Variants in WWTR1 observed in about 807,000 individuals in gnomAD.
WWTR1 encodes the protein WW domain-containing transcription regulator protein 1.
In WWTR1, 13 loss-of-function variants were observed where a neutral mutation model predicts 40.1. That is an observed-to-expected ratio of 0.32 (90% CI 0.21 to 0.52). WWTR1 has a LOEUF of 0.52. WWTR1 is among the 20% of genes least tolerant of loss of function. The probability of loss-of-function intolerance (pLI) is 0.97; values close to 1 mark genes in which losing one functional copy is unlikely to be tolerated. For missense variants in WWTR1, 436 were observed against 523.1 expected, an observed-to-expected ratio of 0.83 and a Z score of 1.63; for synonymous variants, 230 against 210.1, an observed-to-expected ratio of 1.09 and a Z score of -0.82.
At chr3:149,525,888 C>T (rs1458545851) in intron 6 of WWTR1, 125 bp downstream of exon 6, 4 of 553,906 alleles carry the variant, frequency 7.2e-6, no homozygotes, top group Non-Finnish European at 1.2e-5. Flanking sequence ...GCACATGTAC[C>T]CCCAAATATA....
chr3:149,568,761 C>A (rs1737474478), intron 3 of WWTR1, among the ~76,000 whole-genome samples: 1 of 152,198 alleles, frequency 6.6e-6, no homozygotes, highest in South Asian at 2.1e-4. Flanking sequence ...ATCTAAAGCT[C>A]TTTTTGTTGT....
chr3:149,619,488 T>C (rs1057433196), intron 2 of WWTR1, among the ~76,000 whole-genome samples: 1 of 152,088 alleles, frequency 6.6e-6, no homozygotes, highest in Non-Finnish European at 1.5e-5. Flanking sequence ...CCAGGCATAG[T>C]GGCATGCTCC....
intron 2 of WWTR1, among the ~76,000 whole-genome samples, chr3:149,632,869 A>C (rs1309777279): frequency 6.6e-6 from 1 of 152,198 alleles, no homozygotes. Context: ...AGAGACATAA[A>C]GTGGATTAGT....
intron 4 of WWTR1, among the ~76,000 whole-genome samples, chr3:149,537,618 TTGTGGTATACA>T (rs958395767): frequency 5.9e-5 from 9 of 152,240 alleles, no homozygotes; most frequent in African/African-American, 1.2e-4. Context: ...AATTCACTCT[TTGTGGTATACA>T]TGTCTGAGTT....
chr3:149,687,986 T>C (rs1559841700), intron 1 of WWTR1, among the ~76,000 whole-genome samples: 1 of 151,556 alleles, frequency 6.6e-6, no homozygotes, highest in East Asian at 1.9e-4. Flanking sequence ...GACCTGGGGC[T>C]CATGGTGGTG....
chr3:149,696,508 A>C (rs1288030031), intron 1 of WWTR1, among the ~76,000 whole-genome samples: 1 of 152,232 alleles, frequency 6.6e-6, no homozygotes, highest in Non-Finnish European at 1.5e-5. Flanking sequence ...AGTGATATTT[A>C]AAAAGGTTAT....
In WWTR1 at chr3:149,657,287, G is replaced by A; in HGVS notation, c.20C>T (p.Pro7Leu). Residue 7 changes from proline to leucine, a missense_variant, in exon 2 of 7, where the codon CCC (proline) becomes CTC (leucine). Pro to Leu is a moderately conservative substitution (Grantham distance 98). Coordinates refer to ENST00000360632, the MANE Select transcript of WWTR1 (RefSeq NM_015472.6). MNPASAPPPLPPPGQQV... is the reference protein window; with the variant it reads MNPASALPPLPPPGQQV... ...CTGCCCAGGCGGCGGGAGCGGAGGG[G>A]GCGCCGAGGCCGGATTCATCTTCTG... The A allele has an allele frequency of 6.2e-7, 1 of 1,612,084 alleles. No individual in the cohort carries two copies. The highest frequency in any genetic ancestry group is 8.5e-7 in the Non-Finnish European group (1 of 1,179,146).
rs143289799 is a variant in WWTR1, at chr3:149,608,212, G to A, written c.432-35212C>T. 1.1e-3 allele frequency among the ~76,000 whole-genome samples: 162 copies of A among 151,894 alleles called. 1 individual carries two copies. The highest frequency in any genetic ancestry group is 3.7e-3 in the African/African-American group (155 of 41,394). On this transcript the variant is annotated intron_variant, in intron 2 of 6. Transcript: ENST00000360632. ...ATATTGTTTTTATAACTTCAAGAAAGACTGCACAAAATAGAAAAAAAATTT... is the reference window on the plus strand; with the variant it reads ...ATATTGTTTTTATAACTTCAAGAAAAACTGCACAAAATAGAAAAAAAATTT...
upstream of WWTR1, among the ~76,000 whole-genome samples, chr3:149,705,426 G>C (rs187397704): frequency 2.6e-5 from 4 of 152,300 alleles, no homozygotes; most frequent in East Asian, 7.7e-4. Flanking sequence ...TCAAATGTCA[G>C]AAAACAATAT....
In WWTR1 at chr3:149,604,717, T is replaced by G. The variant is rs562592631; in HGVS notation, c.432-31717A>C. Among the ~76,000 whole-genome samples the G allele has an allele frequency of 1.7e-4, 26 of 152,336 alleles. No homozygotes were observed. In the South Asian group the frequency reaches 5.2e-3, roughly 30 times the overall value. On this transcript the variant is annotated intron_variant, in intron 2 of 6. Coordinates refer to ENST00000360632, the MANE Select transcript of WWTR1 (RefSeq NM_015472.6). Reference sequence around the variant, plus strand: ...CCAGCCCAAGGCTGCTGGCCTTCCGTGTGCTGCCCTTCCTGCTGAAGCGGT... The same window carrying G: ...CCAGCCCAAGGCTGCTGGCCTTCCGGGTGCTGCCCTTCCTGCTGAAGCGGT...
At chr3:149,580,446 G>A (rs1738089313) in intron 2 of WWTR1, among the ~76,000 whole-genome samples, 1 of 152,136 alleles carries the variant, frequency 6.6e-6, no homozygotes, top group Non-Finnish European at 1.5e-5. Flanking sequence ...TGCAGTGGGA[G>A]CCCATTGCAG....
upstream of WWTR1, among the ~76,000 whole-genome samples, chr3:149,658,963 A>G (rs980340934): frequency 9.9e-5 from 15 of 152,132 alleles, no homozygotes; most frequent in African/African-American, 3.6e-4. Context: ...GTGACCCGAA[A>G]AAAGCCACCC....
intron 2 of WWTR1, among the ~76,000 whole-genome samples, chr3:149,620,021 G>A (rs972106949): frequency 6.6e-6 from 1 of 152,100 alleles, no homozygotes; most frequent in Non-Finnish European, 1.5e-5. Flanking sequence ...ACATCTACAC[G>A]CTTTGATGTA....
chr3:149,642,667 CG>C (rs925039405), intron 2 of WWTR1, among the ~76,000 whole-genome samples: 2 of 147,694 alleles, frequency 1.4e-5, no homozygotes, highest in African/African-American at 5.0e-5. Flanking sequence ...ACCAGCTATT[CG>C]GGAGGCTGAG....
chr3:149,603,521 T>A (rs1261200260), intron 2 of WWTR1, among the ~76,000 whole-genome samples: 2 of 151,474 alleles, frequency 1.3e-5, no homozygotes, highest in African/African-American at 2.4e-5. Context: ...TTCATGATAA[T>A]GCTAATAATT....
At chr3:149,691,560 A>G (rs528705414) in intron 1 of WWTR1, among the ~76,000 whole-genome samples, 1 of 152,116 alleles carries the variant, frequency 6.6e-6, no homozygotes, top group African/African-American at 2.4e-5. Context: ...AAAACCTAGA[A>G]GAAATGAATA....
At chr3:149,650,522 A>G (rs981319068) in intron 2 of WWTR1, among the ~76,000 whole-genome samples, 5 of 152,230 alleles carry the variant, frequency 3.3e-5, no homozygotes, top group Admixed American at 1.3e-4. Flanking sequence ...AAAAAGTTCC[A>G]TATGCATATA....
At chr3:149,562,623 A>G (rs1465159484) in intron 3 of WWTR1, among the ~76,000 whole-genome samples, 1 of 150,996 alleles carries the variant, frequency 6.6e-6, no homozygotes, top group Non-Finnish European at 1.5e-5. Flanking sequence ...ACACACACAC[A>G]CACACACACA....
At chr3:149,635,916 C>T (rs1711795476) in intron 2 of WWTR1, among the ~76,000 whole-genome samples, 1 of 152,134 alleles carries the variant, frequency 6.6e-6, no homozygotes. Context: ...AATTCTTCTT[C>T]CCTTTATTCT....
Sources: gnomAD v4.1 joint callset for allele counts (sites outside exome capture counted in the v4.1 genomes callset) on GRCh38, gnomAD v4.1.1 for gene constraint, MANE v1.5 for transcripts, NCBI Gene and HGNC (gene_info 2026-07-23, HGNC 2026-07-21) for gene names.